PRKACB: variants seen among roughly 807,000 people sequenced by gnomAD.
PRKACB encodes the protein cAMP-dependent protein kinase catalytic subunit beta.
Under a neutral mutation model 51.4 loss-of-function variants are expected in PRKACB, and 16 were observed. The observed-to-expected ratio is 0.31, with a 90% CI of 0.21 to 0.47. The LOEUF is 0.47. Ranked by LOEUF, PRKACB falls within the 20% of genes least tolerant of loss-of-function variation. The pLI is 1.00. For missense variants in PRKACB, 309 were observed against 464.5 expected (o/e 0.67, Z 3.08); for synonymous variants, 147 against 154.4 (o/e 0.95, Z 0.35).
At chr1:84,182,686 A>G (rs756091597) in intron 3 of PRKACB, among the ~76,000 whole-genome samples, 1 of 152,056 alleles carries the variant, frequency 6.6e-6, no homozygotes, top group Non-Finnish European at 1.5e-5. Context: ...ATCAGGTATT[A>G]TAAGTAATCT....
intron 1 of PRKACB, among the ~76,000 whole-genome samples, chr1:84,111,003 T>C (rs1244855757): frequency 6.6e-6 from 1 of 152,058 alleles, no homozygotes; most frequent in Non-Finnish European, 1.5e-5. Flanking sequence ...AGTTCAGGTC[T>C]TTATCACCCT....
rs1345022131 is a variant in PRKACB, at chr1:84,144,531, C to T, written c.170C>T (p.Ala57Val). Residue 57 changes from alanine to valine, a missense_variant, in exon 1 of 10, where the codon GCC (alanine) becomes GTC (valine). Around this residue, in one of 3 missense-constraint regions of PRKACB, gnomAD observed 153 missense variants for 190.2 expected, o/e 0.80. Transcript: ENST00000370685. ...NDSLHFSEHT[A>V]LWDRSMKEFL... ...AGCCTTCATTTCTCTGAACATACTG[C>T]CTTATGGGACAGATCAAGTAAGTTT... The T allele has an allele frequency of 2.5e-6, 4 of 1,595,354 alleles. No individual in the cohort carries two copies. Among genetic ancestry groups the T allele is most frequent in the Non-Finnish European group, 2.6e-6 (3 of 1,173,998 alleles).
intron 1 of PRKACB, among the ~76,000 whole-genome samples, chr1:84,096,715 G>A (rs1361331408): frequency 1.3e-5 from 2 of 152,014 alleles, no homozygotes; most frequent in Non-Finnish European, 2.9e-5. Context: ...CTTTATTGAA[G>A]CAGAAATCCC....
intron 1 of PRKACB, among the ~76,000 whole-genome samples, chr1:84,110,007 C>T (rs1650086745): frequency 6.6e-6 from 1 of 151,810 alleles, no homozygotes; most frequent in African/African-American, 2.4e-5. Context: ...CCTACTCATA[C>T]TTTCAGCTTT....
At chr1:84,227,701 A>G (rs1012112269) in intron 9 of PRKACB, among the ~76,000 whole-genome samples, 2 of 136,232 alleles carry the variant, frequency 1.5e-5, no homozygotes, top group Admixed American at 1.6e-4. Context: ...GATTGTAGTA[A>G]TGGACAAATT....
Position 84,202,557 on chromosome 1 carries a change from A to C in PRKACB, c.784-126A>C, listed in dbSNP as rs1670430284. On this transcript the variant is annotated intron_variant, in intron 7 of 9. Coordinates refer to ENST00000370685, the MANE Select transcript of PRKACB (RefSeq NM_182948.4). ...GGTTCATTTTTAAATTCTGTCCTGA[A>C]TAGCTGCTCAGCAATTGCTTTAAAA... The C allele has an allele frequency of 5.7e-6, 5 of 870,382 alleles. No individual in the cohort carries two copies. The Middle Eastern group carries it at 8.0e-4, about 139-fold the overall frequency. The allele number at this position is 870,382 out of a possible 1,614,324, so 53.9% of individuals were successfully genotyped here. A position where few individuals can be genotyped will look rare whatever the true frequency, so the allele number is the denominator to read the frequency against.
chr1:84,202,864 G>A (rs901717455), intron 8 of PRKACB, 59 bp downstream of exon 8: 26 of 1,387,918 alleles, frequency 1.9e-5, no homozygotes, highest in Non-Finnish European at 2.6e-5. Flanking sequence ...TAAGCTTCAT[G>A]AATTGAAACT....
chr1:84,089,071 A>G (rs140457756), intron 1 of PRKACB, among the ~76,000 whole-genome samples: 1 of 152,268 alleles, frequency 6.6e-6, no homozygotes, highest in African/African-American at 2.4e-5. Context: ...CAACTCTTAT[A>G]CCCACTACAG....
At chr1:84,170,581 C>T (rs1459361156) in intron 1 of PRKACB, among the ~76,000 whole-genome samples, 1 of 151,644 alleles carries the variant, frequency 6.6e-6, no homozygotes, top group Non-Finnish European at 1.5e-5. Context: ...TACTGGGACA[C>T]ATTCTCAGAC....
chr1:84,134,352 A>C (rs1427818223), intron 1 of PRKACB, among the ~76,000 whole-genome samples: 3 of 150,932 alleles, frequency 2.0e-5, no homozygotes, highest in Non-Finnish European at 3.0e-5. Context: ...TTCGCTGGGG[A>C]CCCTGCCCTT....
At chr1:84,116,476 T>C (rs1414088790) in intron 1 of PRKACB, among the ~76,000 whole-genome samples, 2 of 152,098 alleles carry the variant, frequency 1.3e-5, no homozygotes, top group Non-Finnish European at 2.9e-5. Flanking sequence ...TTCATGAGCA[T>C]GGACTTTTTT....
At chr1:84,144,255 A>G, upstream of PRKACB, 22 of 1,515,248 alleles carry the variant, frequency 1.5e-5, no homozygotes, top group Non-Finnish European at 1.9e-5. Flanking sequence ...AATACCCTGC[A>G]AACAGGAAGT....
At chr1:84,100,407 A>G (rs1486713793) in intron 1 of PRKACB, among the ~76,000 whole-genome samples, 1 of 152,192 alleles carries the variant, frequency 6.6e-6, no homozygotes, top group Non-Finnish European at 1.5e-5. Context: ...CATCAAGAAT[A>G]AAAAGATATA....
At chr1:84,212,813 T>C (rs943692611) in intron 8 of PRKACB, among the ~76,000 whole-genome samples, 2 of 152,112 alleles carry the variant, frequency 1.3e-5, no homozygotes, top group Non-Finnish European at 2.9e-5. Flanking sequence ...AATAAATAAT[T>C]GTAAAATGGA....
intron 1 of PRKACB, chr1:84,175,003 T>A (rs770863104): frequency 6.9e-7 from 1 of 1,454,780 alleles, no homozygotes; most frequent in South Asian, 1.4e-5. Context: ...TATAATTTAA[T>A]CATTTTCTAA....
intron 1 of PRKACB, among the ~76,000 whole-genome samples, chr1:84,106,368 T>G (rs1314314262): frequency 6.6e-6 from 1 of 152,188 alleles, no homozygotes; most frequent in African/African-American, 2.4e-5. Context: ...CTCCATAGTC[T>G]GCCCAGAAGC....
At chr1:84,161,769 A>G (rs939698698) in intron 1 of PRKACB, among the ~76,000 whole-genome samples, 7 of 151,934 alleles carry the variant, frequency 4.6e-5, no homozygotes, top group Admixed American at 2.0e-4. Flanking sequence ...GTTTTTTCAC[A>G]TATATTTATA....
intron 9 of PRKACB, among the ~76,000 whole-genome samples, chr1:84,222,665 C>G (rs1673917759): frequency 6.6e-6 from 1 of 152,144 alleles, no homozygotes. Context: ...GTAGGACTAC[C>G]TTAAGCATTT....
chr1:84,208,117 C>T (rs1001030561), intron 8 of PRKACB, among the ~76,000 whole-genome samples: 3 of 152,150 alleles, frequency 2.0e-5, no homozygotes, highest in Non-Finnish European at 2.9e-5. Flanking sequence ...ATCCACCTGT[C>T]TTGGCGTCTC....
Sources: gnomAD v4.1 joint callset for allele counts (sites outside exome capture counted in the v4.1 genomes callset) on GRCh38, gnomAD v4.1.1 for gene constraint, gnomAD v4.1.1 regional missense constraint, MANE v1.5 for transcripts, NCBI Gene and HGNC (gene_info 2026-07-23, HGNC 2026-07-21) for gene names.